The following CTNNA2 variants were observed in gnomAD, a reference collection of about 807,000 sequenced individuals.
CTNNA2 encodes the protein catenin alpha-2.
A neutral mutation model predicts 101.0 loss-of-function variants in CTNNA2; 42 were observed. The ratio of observed to expected loss-of-function variants is 0.42; its 90% CI spans 0.32 to 0.54. CTNNA2 has a LOEUF of 0.54. Ranked by LOEUF, CTNNA2 falls within the 20% of genes least tolerant of loss-of-function variation. CTNNA2 has a pLI of 0.14. For synonymous variants in CTNNA2, 450 were observed against 456.4 expected, an observed-to-expected ratio of 0.99 and a Z score of 0.18; for missense variants, 871 against 1,223.1, an observed-to-expected ratio of 0.71 and a Z score of 4.29.
At chr2:80,149,029 T>A (rs5000694) in intron 7 of CTNNA2, among the ~76,000 whole-genome samples, 20 of 138,170 alleles carry the variant, frequency 1.4e-4, no homozygotes, top group East Asian at 4.0e-4. Context: ...TGTTATTTTT[T>A]TTTTTTTTTT....
intron 3 of CTNNA2, among the ~76,000 whole-genome samples, chr2:79,778,537 G>T (rs558676441): frequency 6.6e-6 from 1 of 151,788 alleles, no homozygotes; most frequent in Non-Finnish European, 1.5e-5. Context: ...TGTATATATG[G>T]GTATATGCAG....
intron 7 of CTNNA2, among the ~76,000 whole-genome samples, chr2:80,089,238 T>C (rs1023876755): frequency 6.6e-5 from 10 of 152,066 alleles, no homozygotes; most frequent in Non-Finnish European, 1.3e-4. Context: ...TCTTCTAGAA[T>C]TGTGGGAGCA....
intron 6 of CTNNA2, among the ~76,000 whole-genome samples, chr2:79,893,752 T>G (rs1684465956): frequency 6.6e-6 from 1 of 152,194 alleles, no homozygotes; most frequent in Admixed American, 6.5e-5. Context: ...ACAACCCTAA[T>G]CCTGCAGTTT....
At chr2:80,560,231 C>T (rs557884804) in intron 12 of CTNNA2, among the ~76,000 whole-genome samples, 5 of 152,052 alleles carry the variant, frequency 3.3e-5, no homozygotes, top group Non-Finnish European at 5.9e-5. Flanking sequence ...GAAGGTTTTT[C>T]GTTTTACAAC....
rs1007947134 is a variant in CTNNA2, at chr2:79,247,001, C to T, written c.-406+48925C>T. 4.6e-5 allele frequency among the ~76,000 whole-genome samples: 7 copies of T among 152,288 alleles called. No individual in the cohort carries two copies. In the South Asian group the frequency reaches 1.5e-3, roughly 32 times the overall value. On this transcript the variant is annotated intron_variant, in intron 2 of 21. Coordinates refer to the CTNNA2 transcript ENST00000466387. The stretch of plus-strand genomic sequence containing the variant: ...TTTGGTTTGCATCATGAATCACTCA[C>T]AGGATAGAGTATTCAGTAAACCCTG...
chr2:80,031,639 G>A (rs1406271883), intron 7 of CTNNA2, among the ~76,000 whole-genome samples: 1 of 152,282 alleles, frequency 6.6e-6, no homozygotes, highest in East Asian at 1.9e-4. Context: ...CTATATCAGG[G>A]TGAATATGAC....
intron 1 of CTNNA2, among the ~76,000 whole-genome samples, chr2:79,527,511 G>A (rs1378096925): frequency 6.6e-6 from 1 of 151,126 alleles, no homozygotes; most frequent in African/African-American, 2.4e-5. Context: ...CAGGCCTGGT[G>A]GTTGGCACCT....
intron 4 of CTNNA2, among the ~76,000 whole-genome samples, chr2:79,377,748 G>C (rs539418806): frequency 6.6e-6 from 1 of 152,100 alleles, no homozygotes; most frequent in Non-Finnish European, 1.5e-5. Context: ...ATAGCATCTA[G>C]CCAGGCTTTT....
intron 7 of CTNNA2, among the ~76,000 whole-genome samples, chr2:80,038,823 T>A (rs1695841538): frequency 6.6e-6 from 1 of 152,178 alleles, no homozygotes; most frequent in Admixed American, 6.5e-5. Flanking sequence ...CACTCCAGCC[T>A]GGGTGACACA....
intron 4 of CTNNA2, among the ~76,000 whole-genome samples, chr2:79,439,459 T>C (rs188754075): frequency 1.3e-5 from 2 of 152,274 alleles, no homozygotes; most frequent in East Asian, 3.9e-4. Context: ...AGAGTTTCTT[T>C]TGGGAGGAAT....
At chr2:79,696,615 C>G (rs745660148) in intron 2 of CTNNA2, among the ~76,000 whole-genome samples, 2 of 152,024 alleles carry the variant, frequency 1.3e-5, no homozygotes, top group Non-Finnish European at 2.9e-5. Flanking sequence ...AAAGCCAGCA[C>G]TTACAATCTC....
At chr2:80,601,119 C>T (rs1697460228) in intron 15 of CTNNA2, among the ~76,000 whole-genome samples, 1 of 152,142 alleles carries the variant, frequency 6.6e-6, no homozygotes, top group South Asian at 2.1e-4. Context: ...TGCCCAGTTC[C>T]TAAAAACCTA....
chr2:80,020,993 CTT>C (rs869061321), intron 7 of CTNNA2, among the ~76,000 whole-genome samples: 28 of 89,354 alleles, frequency 3.1e-4, no homozygotes, highest in South Asian at 1.0e-3. Context: ...GACCAATCAT[CTT>C]TTTTTTTTTT....
chr2:79,372,227 C>A (rs1677888527), intron 3 of CTNNA2, among the ~76,000 whole-genome samples: 1 of 152,108 alleles, frequency 6.6e-6, no homozygotes. Flanking sequence ...TACACCTGTA[C>A]AAAATAGCAC....
chr2:79,464,903 A>G (rs1670917210), intron 4 of CTNNA2, among the ~76,000 whole-genome samples: 1 of 151,966 alleles, frequency 6.6e-6, no homozygotes. Flanking sequence ...AGATGAGTAG[A>G]TTGCAAAAAT....
At chr2:80,260,651 A>G (rs1383654600) in intron 7 of CTNNA2, among the ~76,000 whole-genome samples, 1 of 152,212 alleles carries the variant, frequency 6.6e-6, no homozygotes, top group Non-Finnish European at 1.5e-5. Flanking sequence ...ACCAAGATGC[A>G]TGGATAGGCC....
intron 2 of CTNNA2, chr2:79,697,867 T>C (rs369031151): frequency 2.4e-4 from 36 of 152,162 alleles, no homozygotes; most frequent in African/African-American, 8.4e-4. Context: ...CCACTTATTA[T>C]ACAAGAGGAT....
At chr2:79,691,719 A>G (rs1684315346) in intron 2 of CTNNA2, among the ~76,000 whole-genome samples, 1 of 152,002 alleles carries the variant, frequency 6.6e-6, no homozygotes. Context: ...GAAATAAGCC[A>G]CACATCCACA....
At chr2:80,147,128 G>A (rs1250057858) in intron 7 of CTNNA2, among the ~76,000 whole-genome samples, 2 of 151,848 alleles carry the variant, frequency 1.3e-5, no homozygotes, top group Admixed American at 6.6e-5. Flanking sequence ...ATCATGCCTG[G>A]CTAATTTTTG....
Sources: allele counts gnomAD v4.1 joint callset (sites outside exome capture counted in the v4.1 genomes callset), GRCh38; gene constraint gnomAD v4.1.1; transcripts MANE v1.5; gene names NCBI Gene and HGNC (gene_info 2026-07-23, HGNC 2026-07-21).